KLF8: variants seen among roughly 807,000 people sequenced by gnomAD.
KLF8 encodes the protein KLF transcription factor 8.
In KLF8, 10 loss-of-function variants were observed where a neutral mutation model predicts 18.2. That is an observed-to-expected ratio of 0.55 (90% CI 0.34 to 0.93). The LOEUF (loss-of-function observed/expected upper bound fraction) is 0.93, where lower values mean the gene tolerates loss of function less well. KLF8 is among the 40% of genes least tolerant of loss of function. The pLI, the probability that KLF8 is intolerant of heterozygous loss-of-function variation, is 0.02. For missense variants in KLF8, 264 were observed against 277.9 expected (o/e 0.95, Z 0.36); for synonymous variants, 109 against 97.3 (o/e 1.12, Z -0.71).
the KLF8 span, among the ~76,000 whole-genome samples, chrX:56,201,233 A>G: frequency 1.8e-5 from 2 of 112,307 alleles, no homozygotes; most frequent in Non-Finnish European, 3.8e-5. Flanking sequence ...ACAAGAATGA[A>G]GAAAGAAAAT....
At chrX:56,199,889 T>G in the KLF8 span, among the ~76,000 whole-genome samples, 1 of 111,537 alleles carries the variant, frequency 9.0e-6, no homozygotes, top group Non-Finnish European at 1.9e-5. Context: ...CAGCATGGAA[T>G]AGTATGCAGC....
At chrX:55,941,674 G>T in the KLF8 span, among the ~76,000 whole-genome samples, 1 of 110,933 alleles carries the variant, frequency 9.0e-6, no homozygotes. Context: ...AAATTTACAA[G>T]AAAAAAACAA....
the KLF8 span, among the ~76,000 whole-genome samples, chrX:56,162,680 G>A: frequency 2.6e-4 from 29 of 111,763 alleles, no homozygotes; most frequent in Non-Finnish European, 5.5e-4. Flanking sequence ...CCCTGTCTTT[G>A]ACTAGGAAAG....
chrX:55,986,629 C>T, the KLF8 span, among the ~76,000 whole-genome samples: 2 of 112,097 alleles, frequency 1.8e-5, no homozygotes, highest in African/African-American at 6.5e-5. Context: ...CCATCTTGAC[C>T]TCATGTATCT....
the KLF8 span, among the ~76,000 whole-genome samples, chrX:56,206,655 C>T: frequency 8.9e-6 from 1 of 112,451 alleles, no homozygotes. Flanking sequence ...CAGCCTCCCT[C>T]CTGGCTGCTT....
At chrX:56,259,195 TTCTC>T (rs199996880) in intron 2 of KLF8, among the ~76,000 whole-genome samples, 1 of 109,270 alleles carries the variant, frequency 9.2e-6, no homozygotes. Flanking sequence ...CACAGCCTAA[TTCTC>T]TCTCTCTCTC....
the KLF8 span, among the ~76,000 whole-genome samples, chrX:56,158,246 T>C: frequency 1.8e-5 from 2 of 111,927 alleles, no homozygotes; most frequent in African/African-American, 6.5e-5. Context: ...TCCATTGGTC[T>C]ATATCTCTGT....
chrX:56,267,131 A>G (rs762865266), intron 3 of KLF8: 14 of 751,787 alleles, frequency 1.9e-5, no homozygotes, highest in Non-Finnish European at 2.2e-5. Flanking sequence ...TAGTCCCCAT[A>G]ATATCATCAG....
the KLF8 span, among the ~76,000 whole-genome samples, chrX:55,946,572 A>G: frequency 8.9e-6 from 1 of 111,862 alleles, no homozygotes; most frequent in Non-Finnish European, 1.9e-5. Flanking sequence ...GGACATAGGC[A>G]TGGGCAAGGA....
the KLF8 span, among the ~76,000 whole-genome samples, chrX:56,135,038 A>C: frequency 9.0e-6 from 1 of 111,687 alleles, no homozygotes; most frequent in Non-Finnish European, 1.9e-5. Context: ...TATCATTAAA[A>C]AGTCAGGAAA....
At chrX:56,132,110 A>G in the KLF8 span, among the ~76,000 whole-genome samples, 2 of 111,898 alleles carry the variant, frequency 1.8e-5, no homozygotes, top group African/African-American at 6.5e-5. Flanking sequence ...GAAACAATGG[A>G]TTTAAACTAT....
chrX:56,228,533 G>T (rs918111510), upstream of KLF8, among the ~76,000 whole-genome samples: 3 of 112,386 alleles, frequency 2.7e-5, no homozygotes, highest in African/African-American at 9.7e-5. Context: ...GTGAGGAAAT[G>T]TTTAGAGATG....
the KLF8 span, among the ~76,000 whole-genome samples, chrX:56,104,264 A>C: frequency 9.0e-6 from 1 of 111,208 alleles, no homozygotes; most frequent in African/African-American, 3.3e-5. Flanking sequence ...TTTTCTATTG[A>C]TTGGAATAGT....
At chrX:56,190,083 G>A in the KLF8 span, among the ~76,000 whole-genome samples, 1 of 110,421 alleles carries the variant, frequency 9.1e-6, no homozygotes, top group African/African-American at 3.3e-5. Flanking sequence ...TTACCTGCAA[G>A]AATCACATTT....
chrX:56,059,803 AT>A, the KLF8 span, among the ~76,000 whole-genome samples: 1 of 110,876 alleles, frequency 9.0e-6, no homozygotes, highest in African/African-American at 3.3e-5. Context: ...TTCAGCTTTT[AT>A]TTTTTTGCTT....
At chrX:56,209,881 C>T in the KLF8 span, among the ~76,000 whole-genome samples, 4 of 111,807 alleles carry the variant, frequency 3.6e-5, no homozygotes, top group African/African-American at 9.7e-5. Flanking sequence ...CAGTTTAACA[C>T]TGTTTCCATA....
chrX:56,022,451 A>C, the KLF8 span, among the ~76,000 whole-genome samples: 6 of 103,148 alleles, frequency 5.8e-5, no homozygotes, highest in Non-Finnish European at 1.2e-4. Flanking sequence ...CGGGAGGCTG[A>C]GGCAGGAGAA....
chrX:56,035,965 C>T, the KLF8 span, among the ~76,000 whole-genome samples: 1 of 111,874 alleles, frequency 8.9e-6, no homozygotes, highest in Admixed American at 9.4e-5. Context: ...GTGCAAAAAT[C>T]TTATTAGTTT....
At chrX:55,948,789 A>G in the KLF8 span, among the ~76,000 whole-genome samples, 1 of 111,643 alleles carries the variant, frequency 9.0e-6, no homozygotes, top group Non-Finnish European at 1.9e-5. Flanking sequence ...TATGAGGTTG[A>G]GTCCTAGCTC....
Sources: gnomAD v4.1 joint callset for allele counts (sites outside exome capture counted in the v4.1 genomes callset) on GRCh38, gnomAD v4.1.1 for gene constraint, MANE v1.5 for transcripts, NCBI Gene and HGNC (gene_info 2026-07-23, HGNC 2026-07-21) for gene names.